The following NELL1 variants were observed in gnomAD, a reference collection of about 807,000 sequenced individuals.
NELL1 encodes protein kinase C-binding protein NELL1.
NELL1 carries 76 observed loss-of-function variants against 107.4 expected under a neutral mutation model. The ratio of observed to expected loss-of-function variants is 0.71; its 90% CI spans 0.59 to 0.86. NELL1 has a LOEUF of 0.86. NELL1 is among the 40% of genes least tolerant of loss of function. The pLI, the probability that NELL1 is intolerant of heterozygous loss-of-function variation, is 0.00. For synonymous variants in NELL1, 353 were observed against 341.2 expected (o/e 1.03, Z -0.38); for missense variants, 1,024 against 1,005.5 (o/e 1.02, Z -0.25).
intron 15 of NELL1, among the ~76,000 whole-genome samples, chr11:21,381,539 A>G (rs1851606430): frequency 6.6e-6 from 1 of 151,996 alleles, no homozygotes; most frequent in South Asian, 2.1e-4. Context: ...TAGAAATTGT[A>G]GCTAGTGATA....
chr11:21,496,408 G>GT (rs749782963), intron 15 of NELL1, among the ~76,000 whole-genome samples: 2,753 of 121,230 alleles, frequency 0.023, 51 homozygotes, highest in Admixed American at 0.051. Context: ...TTCTTCTCTT[G>GT]TTTTTTTTTT....
At chr11:21,297,570 C>T (rs1341635123) in intron 14 of NELL1, among the ~76,000 whole-genome samples, 2 of 151,994 alleles carry the variant, frequency 1.3e-5, no homozygotes, top group Admixed American at 1.3e-4. Flanking sequence ...TGTGTATACT[C>T]AGTAACCTCA....
chr11:21,209,550 G>A (rs191390713), intron 13 of NELL1, among the ~76,000 whole-genome samples: 1 of 151,872 alleles, frequency 6.6e-6, no homozygotes, highest in Non-Finnish European at 1.5e-5. Context: ...GAACAAATGT[G>A]TTAACTTATT....
At chr11:20,941,528 A>G (rs1036818687) in intron 10 of NELL1, among the ~76,000 whole-genome samples, 1 of 151,064 alleles carries the variant, frequency 6.6e-6, no homozygotes, top group Non-Finnish European at 1.5e-5. Flanking sequence ...TTCCTCCTAC[A>G]TGATATTTTT....
rs59129155 is a variant in NELL1 at position 20,854,457 on chromosome 11, C to T, written c.506+6704C>T. Reference sequence around the variant, plus strand: ...TTAGCTTGTCCTTTTCAAAGTGCCACTTCTGTAGTGGACCTACAGGGGTTT... The same window carrying T: ...TTAGCTTGTCCTTTTCAAAGTGCCATTTCTGTAGTGGACCTACAGGGGTTT... On this transcript the variant is annotated intron_variant, in intron 4 of 19. Coordinates refer to ENST00000357134, the MANE Select transcript of NELL1 (RefSeq NM_006157.5). 3.0e-3 allele frequency among the ~76,000 whole-genome samples: 455 copies of T among 152,264 alleles called. 2 individuals are homozygous for T. Among genetic ancestry groups the T allele is most frequent in the African/African-American group, 0.01 (429 of 41,554 alleles).
chr11:21,293,047 C>A (rs112050582), intron 14 of NELL1, among the ~76,000 whole-genome samples: 2,075 of 152,162 alleles, frequency 0.014, 51 homozygotes, highest in African/African-American at 0.047. Context: ...ACACCAAAAA[C>A]AATGGCAACA....
intron 12 of NELL1, among the ~76,000 whole-genome samples, chr11:21,050,622 C>G (rs1440994193): frequency 6.6e-6 from 1 of 152,134 alleles, no homozygotes; most frequent in Admixed American, 6.6e-5. Context: ...TCAGTAAGAA[C>G]TACTTCTAAA....
chr11:21,185,885 C>T (rs958822677), intron 13 of NELL1, among the ~76,000 whole-genome samples: 4 of 151,648 alleles, frequency 2.6e-5, no homozygotes, highest in Non-Finnish European at 5.9e-5. Context: ...CTGCAAATGA[C>T]TCTAATTTAA....
At chr11:20,698,657 T>A (rs1854685345) in intron 2 of NELL1, among the ~76,000 whole-genome samples, 1 of 152,188 alleles carries the variant, frequency 6.6e-6, no homozygotes, top group South Asian at 2.1e-4. Flanking sequence ...AAAATTTCTT[T>A]CAATAGTTTT....
At chr11:20,855,580 G>C (rs943071721) in intron 4 of NELL1, among the ~76,000 whole-genome samples, 23 of 152,160 alleles carry the variant, frequency 1.5e-4, no homozygotes, top group Non-Finnish European at 3.1e-4. Flanking sequence ...TAGATGAATG[G>C]AGGGGGAAAA....
chr11:21,446,213 GTTTAC>G (rs1472522645), intron 15 of NELL1, among the ~76,000 whole-genome samples: 4 of 151,948 alleles, frequency 2.6e-5, no homozygotes, highest in Non-Finnish European at 4.4e-5. Context: ...CAATTTATTT[GTTTAC>G]TTTATATGAT....
At chr11:21,494,581 G>A (rs563978938) in intron 15 of NELL1, among the ~76,000 whole-genome samples, 202 of 151,704 alleles carry the variant, frequency 1.3e-3, no homozygotes, top group African/African-American at 4.8e-3. Flanking sequence ...TATATATTTT[G>A]GGAAATATAT....
chr11:21,310,401 A>G (rs1424789566), intron 14 of NELL1, among the ~76,000 whole-genome samples: 1 of 152,118 alleles, frequency 6.6e-6, no homozygotes, highest in Non-Finnish European at 1.5e-5. Flanking sequence ...AGTGGCTGCT[A>G]TGTGTCAAGC....
intron 13 of NELL1, among the ~76,000 whole-genome samples, chr11:21,229,030 A>G (rs750485899): frequency 1.7e-4 from 26 of 152,020 alleles, no homozygotes; most frequent in Non-Finnish European, 1.0e-4. Flanking sequence ...TTACCTTGGA[A>G]TCTCTGTGAA....
intron 15 of NELL1, among the ~76,000 whole-genome samples, chr11:21,464,402 CAAA>C (rs60770584): frequency 0.32 from 43,099 of 135,996 alleles, 7,215 homozygotes; most frequent in Middle Eastern, 0.42. Flanking sequence ...ATGTCCGTGG[CAAA>C]AAAAAAAAAA....
chr11:20,711,995 T>C (rs1855124365), intron 2 of NELL1, among the ~76,000 whole-genome samples: 1 of 152,164 alleles, frequency 6.6e-6, no homozygotes, highest in African/African-American at 2.4e-5. Context: ...GCTGTCTAGA[T>C]CTTTAGTAAG....
intron 12 of NELL1, among the ~76,000 whole-genome samples, chr11:21,062,670 G>A (rs1516754): frequency 0.81 from 123,036 of 152,136 alleles, 50,471 homozygotes; most frequent in East Asian, 1. Flanking sequence ...CACATTCCAC[G>A]GCAAGACTGC....
At chr11:21,143,816 T>A (rs1855918306) in intron 13 of NELL1, among the ~76,000 whole-genome samples, 1 of 152,128 alleles carries the variant, frequency 6.6e-6, no homozygotes, top group Admixed American at 6.5e-5. Flanking sequence ...CCCGGCAAGA[T>A]GAATACCCAT....
chr11:21,342,344 G>A (rs1202072659), intron 14 of NELL1, among the ~76,000 whole-genome samples: 2 of 146,652 alleles, frequency 1.4e-5, no homozygotes, highest in African/African-American at 5.0e-5. Context: ...TATAGCAATA[G>A]AAAGACTTAA....
Sources: allele counts gnomAD v4.1 joint callset (sites outside exome capture counted in the v4.1 genomes callset), GRCh38; gene constraint gnomAD v4.1.1; transcripts MANE v1.5; gene names NCBI Gene and HGNC (gene_info 2026-07-23, HGNC 2026-07-21).